The following IPCEF1 variants were observed in gnomAD, a reference collection of about 807,000 sequenced individuals.
IPCEF1 encodes the protein interaction protein for cytohesin exchange factors 1.
IPCEF1 carries 31 observed loss-of-function variants against 50.9 expected under a neutral mutation model. The ratio of observed to expected loss-of-function variants is 0.61; its 90% CI spans 0.46 to 0.82. The LOEUF is 0.82. Ranked by LOEUF, IPCEF1 falls within the 40% of genes least tolerant of loss-of-function variation. The probability of loss-of-function intolerance (pLI) is 0.00; values close to 1 mark genes in which losing one functional copy is unlikely to be tolerated. For synonymous variants in IPCEF1, 181 were observed against 192.0 expected (o/e 0.94, Z 0.47); for missense variants, 458 against 514.0 (o/e 0.89, Z 1.05).
chr6:154,284,445 A>G (rs74362525), intron 2 of IPCEF1, among the ~76,000 whole-genome samples: 5,603 of 152,186 alleles, frequency 0.037, 326 homozygotes, highest in African/African-American at 0.12. Context: ...GACCTCCCAG[A>G]CCCATGCAGT....
chr6:154,294,556 G>A (rs1464575399), intron 1 of IPCEF1, among the ~76,000 whole-genome samples: 2 of 152,160 alleles, frequency 1.3e-5, no homozygotes, highest in Admixed American at 6.5e-5. Flanking sequence ...TGTGTGCACT[G>A]TGGTGCAGCC....
rs1799634698 is a variant in IPCEF1, at chr6:154,168,740, G to T, written c.911-627C>A. Reference sequence around the variant, plus strand: ...CCTGTCTCAGCCTCCCAAGTAGCTGGGATTACAGGCACCTGCCACCATGCC... The same window carrying T: ...CCTGTCTCAGCCTCCCAAGTAGCTGTGATTACAGGCACCTGCCACCATGCC... On this transcript the variant is annotated intron_variant, in intron 10 of 11. Transcript: ENST00000367220. This position sits in a 1 kb window ranked among gnomAD's most constrained non-coding sequence, Gnocchi z 4.1. Among the ~76,000 whole-genome samples the T allele has an allele frequency of 6.6e-6, 1 of 151,840 alleles. No homozygotes were observed. The highest frequency in any genetic ancestry group is 6.6e-5 in the Admixed American group (1 of 15,254).
At chr6:154,162,910 C>T (rs1799139374) in intron 11 of IPCEF1, among the ~76,000 whole-genome samples, 1 of 152,122 alleles carries the variant, frequency 6.6e-6, no homozygotes, top group Non-Finnish European at 1.5e-5. Context: ...TCTACATCCC[C>T]ACCCCACCAA....
chr6:154,212,906 C>G, intron 8 of IPCEF1, 51 bp from the exon 9 acceptor site: 1 of 1,236,318 alleles, frequency 8.1e-7, no homozygotes. Context: ...ATCGCTTATT[C>G]CATAATGCAT....
intron 1 of IPCEF1, among the ~76,000 whole-genome samples, chr6:154,334,779 T>A (rs74541553): frequency 6.6e-6 from 1 of 152,338 alleles, no homozygotes; most frequent in African/African-American, 2.4e-5. Context: ...TGTATTACTA[T>A]CTGCTCCACA....
chr6:154,229,403 G>A (rs1197004168), intron 5 of IPCEF1, among the ~76,000 whole-genome samples: 1 of 135,750 alleles, frequency 7.4e-6, no homozygotes, highest in Non-Finnish European at 1.5e-5. Flanking sequence ...AGGCTGGACT[G>A]CAGTGGCGCG....
At chr6:154,342,401 C>G (rs1355768797) in intron 1 of IPCEF1, among the ~76,000 whole-genome samples, 1 of 152,160 alleles carries the variant, frequency 6.6e-6, no homozygotes, top group Non-Finnish European at 1.5e-5. Context: ...TAAAGTCTCA[C>G]AAGAATGTAA....
chr6:154,243,323 T>A (rs1321555115), intron 5 of IPCEF1, among the ~76,000 whole-genome samples: 2 of 152,188 alleles, frequency 1.3e-5, no homozygotes, highest in African/African-American at 4.8e-5. Flanking sequence ...TAAACTTGCA[T>A]ATGGTTTTGT....
intron 10 of IPCEF1, among the ~76,000 whole-genome samples, chr6:154,172,096 A>G (rs766007814): frequency 1.6e-4 from 25 of 152,242 alleles, no homozygotes; most frequent in Non-Finnish European, 2.4e-4. Flanking sequence ...CAATTGAGCC[A>G]CTAAAAGAAA....
chr6:154,326,366 C>T (rs1487947773), intron 1 of IPCEF1, among the ~76,000 whole-genome samples: 4 of 152,170 alleles, frequency 2.6e-5, no homozygotes, highest in Non-Finnish European at 2.9e-5. Flanking sequence ...GCAACTTCAG[C>T]AAAGTCACAG....
rs944798198 is a variant in IPCEF1, at chr6:154,155,578, C to G, written c.*4250G>C. 6.6e-6 allele frequency: 1 copy of G among 152,168 alleles called. No homozygotes were observed. Among genetic ancestry groups the G allele is most frequent in the African/African-American group, 2.4e-5 (1 of 41,426 alleles). The allele number at this position is 152,168 out of a possible 1,614,324, so 9.4% of individuals were successfully genotyped here. On this transcript the variant is annotated 3_prime_UTR_variant, in exon 12 of 12. Coordinates refer to ENST00000367220, the MANE Select transcript of IPCEF1 (RefSeq NM_001130700.2). ...CTGGGAGGCAGAGGCAGGCAGATCACCTGAGGTCAGGAGTTTGAAACCAGC... is the reference window on the plus strand; with the variant it reads ...CTGGGAGGCAGAGGCAGGCAGATCAGCTGAGGTCAGGAGTTTGAAACCAGC...
At chr6:154,264,496 C>T (rs930573145) in intron 3 of IPCEF1, among the ~76,000 whole-genome samples, 11 of 152,048 alleles carry the variant, frequency 7.2e-5, no homozygotes, top group African/African-American at 2.7e-4. Context: ...CCTCAGCCTC[C>T]CGAGTAGCTG....
chr6:154,311,935 C>A (rs892195899), intron 1 of IPCEF1, among the ~76,000 whole-genome samples: 1 of 152,172 alleles, frequency 6.6e-6, no homozygotes, highest in Non-Finnish European at 1.5e-5. Flanking sequence ...GGCCAGCAAT[C>A]TCTTTATCTT....
rs1798736183 is a variant in IPCEF1, at chr6:154,156,823, C to T, written c.*3005G>A. On this transcript the variant is annotated 3_prime_UTR_variant, in exon 12 of 12. Coordinates refer to ENST00000367220, the MANE Select transcript of IPCEF1 (RefSeq NM_001130700.2). ...ATATCAACCAGTGAAGGCATCACAT[C>T]AGGCTCCGTTCTGGATCTACAGGCT... 1 of 152,204 alleles carries T rather than the reference C, an allele frequency of 6.6e-6. No individual in the cohort carries two copies. Among genetic ancestry groups the T allele is most frequent in the South Asian group, 2.1e-4 (1 of 4,828 alleles). 9.4% of individuals were successfully genotyped at this position (152,204 alleles called of 1,614,324 possible).
rs911074617 is a variant in IPCEF1, at chr6:154,337,869, C to A, written c.-62+18803G>T. On this transcript the variant is annotated intron_variant, in intron 1 of 11. Coordinates refer to ENST00000367220, the MANE Select transcript of IPCEF1 (RefSeq NM_001130700.2). ...AGAGGACTTCAGTGACATATCCATA[C>A]CACCCTTACCCTGGGGCACTTGTTT... Among the ~76,000 whole-genome samples the A allele has an allele frequency of 2.0e-5, 3 of 152,130 alleles. No homozygotes were observed. In the East Asian group the frequency reaches 5.8e-4, roughly 29 times the overall value.
intron 1 of IPCEF1, among the ~76,000 whole-genome samples, chr6:154,318,324 C>T (rs1219341402): frequency 6.6e-6 from 1 of 152,106 alleles, no homozygotes; most frequent in Non-Finnish European, 1.5e-5. Context: ...CCTTTCACTA[C>T]ATGAAGACCA....
chr6:154,182,378 T>C (rs11965988), intron 10 of IPCEF1, among the ~76,000 whole-genome samples: 13,652 of 152,248 alleles, frequency 0.09, 891 homozygotes, highest in African/African-American at 0.18. Flanking sequence ...TGTTTTGCTG[T>C]TGTTATTATT....
At chr6:154,240,975 T>C (rs1157107099) in intron 5 of IPCEF1, among the ~76,000 whole-genome samples, 2 of 152,086 alleles carry the variant, frequency 1.3e-5, no homozygotes, top group South Asian at 2.1e-4. Flanking sequence ...CGGTGGCTCA[T>C]GCCTGTAATC....
chr6:154,202,433 G>A (rs191547367), intron 9 of IPCEF1, among the ~76,000 whole-genome samples: 172 of 152,228 alleles, frequency 1.1e-3, no homozygotes, highest in African/African-American at 3.9e-3. Context: ...CTCGTTAGCA[G>A]GATCTACAAA....
Sources: allele counts gnomAD v4.1 joint callset (sites outside exome capture counted in the v4.1 genomes callset), GRCh38; gene constraint gnomAD v4.1.1; non-coding constraint Gnocchi (gnomAD v3.1); transcripts MANE v1.5; gene names NCBI Gene and HGNC (gene_info 2026-07-23, HGNC 2026-07-21).